SEC14L5: variants seen among roughly 807,000 people sequenced by gnomAD.
SEC14L5 encodes SEC14-like protein 5.
SEC14L5 carries 96 observed loss-of-function variants against 84.6 expected under a neutral mutation model. The observed-to-expected ratio is 1.13, with a 90% confidence interval of 0.96 to 1.34. SEC14L5 has a LOEUF of 1.34. Ranked by LOEUF, SEC14L5 falls within the 40% of genes most tolerant of loss-of-function variation. The pLI, the probability that SEC14L5 is intolerant of heterozygous loss-of-function variation, is 0.00. For missense variants in SEC14L5, 1,224 were observed against 942.5 expected (o/e 1.30, Z -3.91); for synonymous variants, 546 against 383.4 (o/e 1.42, Z -4.95).
chr16:4,996,197 C>A, intron 6 of SEC14L5, 151 bp from the exon 7 acceptor site: 1 of 579,958 alleles, frequency 1.7e-6, no homozygotes, highest in East Asian at 2.9e-5. Flanking sequence ...CATTCAGAGT[C>A]CGGTGGCTGC....
chr16:5,008,330 G>A, intron 13 of SEC14L5, 91 bp from the exon 14 acceptor site: 1 of 896,732 alleles, frequency 1.1e-6, no homozygotes, highest in Non-Finnish European at 1.8e-6. Flanking sequence ...GAGACCCCAG[G>A]GGGCACCCAC....
Position 4,991,915 on chromosome 16 carries a change from C to G in SEC14L5, c.552C>G (p.Ala184=). The change falls in exon 6 of 16, where the codon GCC becomes GCG. Residue 184 remains alanine, a synonymous_variant. Coordinates refer to ENST00000251170, the MANE Select transcript of SEC14L5 (RefSeq NM_014692.2). ...GTSHIPRWTP[A]PVREEDARNQ... ...CGCACATTCCGCGCTGGACGCCTGC[C>G]CCAGTCCGTGAGGAGGATGCCCGCA... is the stretch of plus-strand genomic sequence containing the variant. 1 of 1,607,554 alleles carries G rather than the reference C, an allele frequency of 6.2e-7. No individual in the cohort carries two copies. Among genetic ancestry groups the G allele is most frequent in the Non-Finnish European group, 8.5e-7 (1 of 1,178,670 alleles).
At position 4,996,485 on chromosome 16, in the gene SEC14L5, C is replaced by T. The variant is rs200876406; in HGVS notation, c.780+25C>T. ...GGTGGGTGCAGGGGGTACCCTGGAG[C>T]AGTGGATGAATGGGCAATGACTGGT... On this transcript the variant is annotated intron_variant, in intron 7 of 15. Transcript: ENST00000251170. 1.4e-5 allele frequency: 18 copies of T among 1,315,644 alleles called. No homozygotes were observed. The African/African-American group carries it at 2.5e-4, about 18-fold the overall frequency. 81.5% of individuals were successfully genotyped at this position (1,315,644 alleles called of 1,614,324 possible). A position where few individuals can be genotyped will look rare whatever the true frequency, so the allele number is the denominator to read the frequency against.
In SEC14L5 at chr16:4,981,108, G is replaced by GTTCT. The variant is rs558507674; in HGVS notation, c.64-6438_64-6435dup. The stretch of plus-strand genomic sequence containing the variant: ...AGGTTTATTCTCGGCATCAAGGCCC[G>GTTCT]TTCTTTCTTTCTTTATTTATTTATT... On this transcript the variant is annotated intron_variant, in intron 2 of 15. Transcript: ENST00000251170. 1.2e-3 allele frequency among the ~76,000 whole-genome samples: 177 copies of GTTCT among 151,964 alleles called. 1 individual carries two copies. Among genetic ancestry groups the GTTCT allele is most frequent in the African/African-American group, 4.0e-3 (167 of 41,470 alleles).
At position 5,007,491 on chromosome 16, in the gene SEC14L5, C is replaced by G. The variant is rs1452726236; in HGVS notation, c.1572+5C>G. 6.2e-7 allele frequency: 1 copy of G among 1,612,694 alleles called. No individual in the cohort carries two copies. On this transcript the variant is annotated splice_donor_5th_base_variant and intron_variant, in intron 13 of 15. Transcript: ENST00000251170. ...CTCCGCGGAGCCCCCCACGAGGTGC[C>G]AGGGCCTGGCCGGGGAGGGCCCGCT...
chr16:4,975,227 C>A (rs998179962), intron 2 of SEC14L5, among the ~76,000 whole-genome samples: 5 of 151,806 alleles, frequency 3.3e-5, no homozygotes, highest in Non-Finnish European at 5.9e-5. Flanking sequence ...AATCCTAGCA[C>A]TTTGGGAGGC....
chr16:4,968,252 T>C (rs985303065), intron 2 of SEC14L5, among the ~76,000 whole-genome samples: 23 of 151,470 alleles, frequency 1.5e-4, no homozygotes, highest in African/African-American at 5.6e-4. Flanking sequence ...CAATCTCGGC[T>C]CACTGAAACC....
intron 2 of SEC14L5, among the ~76,000 whole-genome samples, chr16:4,979,897 G>A (rs113716968): frequency 3.9e-5 from 6 of 152,200 alleles, no homozygotes; most frequent in African/African-American, 7.2e-5. Flanking sequence ...AGCCCACCCC[G>A]ATCCTCACTT....
chr16:4,996,909 G>A lies in SEC14L5; in HGVS notation c.835G>A (p.Asp279Asn), dbSNP rs747953144. The A allele has an allele frequency of 1.2e-6, 2 of 1,613,670 alleles. No individual in the cohort carries two copies. Among genetic ancestry groups the A allele is most frequent in the Non-Finnish European group, 1.7e-6 (2 of 1,179,796 alleles). The stretch of plus-strand genomic sequence containing the variant: ...CCTGCGGGCTCATGACTTCCACCTG[G>A]ACAAGGCCCGGGAAATGCTGCGCCA... ...RFLRAHDFHL[D>N]KAREMLRQSL... Residue 279 changes from aspartate (D) to asparagine (N), a missense_variant, in exon 8 of 16, where the codon GAC becomes AAC. Asp to Asn is a conservative substitution (Grantham distance 23, BLOSUM62 1). Coordinates refer to ENST00000251170, the MANE Select transcript of SEC14L5 (RefSeq NM_014692.2).
At chr16:4,989,996 C>T (rs1474615228) in intron 4 of SEC14L5, among the ~76,000 whole-genome samples, 1 of 151,896 alleles carries the variant, frequency 6.6e-6, no homozygotes, top group Admixed American at 6.6e-5. Flanking sequence ...TGCAAACATA[C>T]AGATCTATAA....
At position 4,962,952 on chromosome 16, in the gene SEC14L5, G is replaced by A. The variant is rs575183717; in HGVS notation, c.63+3566G>A. ...AAGGGGTTTTCTATGCTTAATGTTC[G>A]TCTTTGTTTCGCAGTTAAACACTTG... On this transcript the variant is annotated intron_variant, in intron 2 of 15. Transcript: ENST00000251170. Among the ~76,000 whole-genome samples the A allele has an allele frequency of 1.1e-4, 17 of 152,284 alleles. No individual in the cohort carries two copies. In the South Asian group the frequency reaches 1.2e-3, roughly 11 times the overall value.
chr16:5,011,056 G>C (rs1303035407), intron 14 of SEC14L5, 39 bp from the exon 15 acceptor site: 1 of 1,552,726 alleles, frequency 6.4e-7, no homozygotes, highest in South Asian at 1.2e-5. Context: ...CTGTCCTCTG[G>C]AGGGCGCAGG....
chr16:4,991,722 T>C (rs1955554894), intron 5 of SEC14L5, 116 bp from the exon 6 acceptor site: 3 of 593,904 alleles, frequency 5.1e-6, no homozygotes, highest in South Asian at 2.4e-5. Context: ...AGCCACTCAA[T>C]AGCCACGTGT....
At chr16:4,992,709 G>A (rs1955565025) in intron 6 of SEC14L5, among the ~76,000 whole-genome samples, 1 of 152,154 alleles carries the variant, frequency 6.6e-6, no homozygotes, top group Non-Finnish European at 1.5e-5. Context: ...GCATGATCAT[G>A]GTAGAAAAAA....
intron 8 of SEC14L5, among the ~76,000 whole-genome samples, chr16:4,998,007 T>C (rs1037631561): frequency 3.3e-5 from 5 of 149,914 alleles, no homozygotes; most frequent in Admixed American, 6.6e-5. Flanking sequence ...CTAGTTCTTT[T>C]TTTTTTTTTT....
chr16:5,016,577 A>G lies in SEC14L5; in HGVS notation c.*1607A>G, dbSNP rs1955877277. The G allele has an allele frequency of 6.6e-6, 1 of 152,120 alleles. No homozygotes were observed. Among genetic ancestry groups the G allele is most frequent in the African/African-American group, 2.4e-5 (1 of 41,408 alleles). 9.4% of individuals were successfully genotyped at this position (152,120 alleles called of 1,614,324 possible). A position where few individuals can be genotyped will look rare whatever the true frequency, so the allele number is the denominator to read the frequency against. On this transcript the variant is annotated 3_prime_UTR_variant, in exon 16 of 16. Coordinates refer to ENST00000251170, the MANE Select transcript of SEC14L5 (RefSeq NM_014692.2). ...TCATGACCTGCGTGGCAGGAGTCTC[A>G]CTGACATGGCTCTGTCAGCAGTGGC...
intron 2 of SEC14L5, among the ~76,000 whole-genome samples, chr16:4,968,438 C>G (rs915260791): frequency 1.3e-5 from 2 of 152,210 alleles, no homozygotes; most frequent in Admixed American, 6.6e-5. Flanking sequence ...CCTGGCCTCC[C>G]AAAGTGTTAG....
intron 2 of SEC14L5, among the ~76,000 whole-genome samples, chr16:4,966,020 C>G (rs1889402162): frequency 6.6e-6 from 1 of 151,934 alleles, no homozygotes; most frequent in African/African-American, 2.4e-5. Context: ...CCACCCTGGG[C>G]AACAGAGTGA....
In SEC14L5 at chr16:5,018,182, C is replaced by G. The variant is rs897418801; in HGVS notation, c.*3212C>G. 5.3e-5 allele frequency: 8 copies of G among 152,246 alleles called. No homozygotes were observed. Among genetic ancestry groups the G allele is most frequent in the Non-Finnish European group, 1.2e-4 (8 of 68,052 alleles). The allele number at this position is 152,246 out of a possible 1,614,324, so 9.4% of individuals were successfully genotyped here. A position where few individuals can be genotyped will look rare whatever the true frequency, so the allele number is the denominator to read the frequency against. On this transcript the variant is annotated 3_prime_UTR_variant, in exon 16 of 16. Transcript: ENST00000251170. The stretch of plus-strand genomic sequence containing the variant: ...GAGGGAGTAGCTGTAAAGCTTTCAG[C>G]ACAGCTCCCAGAACACAGAAAGCGC...
Sources: gnomAD v4.1 joint callset for allele counts (sites outside exome capture counted in the v4.1 genomes callset) on GRCh38, gnomAD v4.1.1 for gene constraint, MANE v1.5 for transcripts, NCBI Gene and HGNC (gene_info 2026-07-23, HGNC 2026-07-21) for gene names.